Variants in SLC36A1 observed in about 807,000 individuals in gnomAD.
SLC36A1 encodes the protein proton-coupled amino acid transporter 1.
A neutral mutation model predicts 47.5 loss-of-function variants in SLC36A1; 30 were observed. The observed-to-expected ratio is 0.63, with a 90% confidence interval of 0.47 to 0.86. SLC36A1 has a LOEUF of 0.86. Ranked by LOEUF, SLC36A1 falls within the 40% of genes least tolerant of loss-of-function variation. The pLI is 0.00. For missense variants in SLC36A1, 517 were observed against 606.0 expected, an observed-to-expected ratio of 0.85 and a Z score of 1.54; for synonymous variants, 255 against 249.7, an observed-to-expected ratio of 1.02 and a Z score of -0.20.
intron 10 of SLC36A1, among the ~76,000 whole-genome samples, chr5:151,483,370 C>T (rs186812341): frequency 1.8e-4 from 27 of 152,218 alleles, no homozygotes; most frequent in Non-Finnish European, 3.2e-4. Flanking sequence ...CTGTTGGAGC[C>T]CTCTTGACTA....
chr5:151,468,027 G>A (rs542987906), intron 7 of SLC36A1, 102 bp downstream of exon 7: 14 of 928,124 alleles, frequency 1.5e-5, no homozygotes, highest in East Asian at 5.5e-5. Flanking sequence ...AGGTGGGGGC[G>A]GGTGGATCAC....
At chr5:151,522,471 G>C in the SLC36A1 span, among the ~76,000 whole-genome samples, 1 of 152,156 alleles carries the variant, frequency 6.6e-6, no homozygotes, top group Non-Finnish European at 1.5e-5. Flanking sequence ...CAATTCTGAT[G>C]CACCATGCAC....
chr5:151,383,571 A>ATT, the SLC36A1 span, among the ~76,000 whole-genome samples: 171 of 132,434 alleles, frequency 1.3e-3, 4 homozygotes, highest in East Asian at 3.0e-3. Context: ...TTTAACTTAA[A>ATT]TTTTTTTTTT....
At chr5:151,414,357 T>C in the SLC36A1 span, among the ~76,000 whole-genome samples, 1 of 141,420 alleles carries the variant, frequency 7.1e-6, no homozygotes, top group Non-Finnish European at 1.5e-5. Context: ...TATTTGAGAA[T>C]GGTAGATAGC....
the SLC36A1 span, among the ~76,000 whole-genome samples, chr5:151,403,356 AATC>A: frequency 6.6e-6 from 1 of 152,148 alleles, no homozygotes; most frequent in Non-Finnish European, 1.5e-5. Flanking sequence ...GGGGTGATTA[AATC>A]ATGAGAGTGA....
intron 1 of SLC36A1, among the ~76,000 whole-genome samples, chr5:151,453,504 A>G (rs1036339760): frequency 1.8e-4 from 27 of 152,134 alleles, no homozygotes; most frequent in Non-Finnish European, 3.1e-4. Context: ...GGATGGTACA[A>G]CTTCAGAATA....
At chr5:151,349,100 A>T in the SLC36A1 span, among the ~76,000 whole-genome samples, 3 of 152,188 alleles carry the variant, frequency 2.0e-5, no homozygotes, top group African/African-American at 4.8e-5. Context: ...TTAAATTTGT[A>T]ATCTCAGATT....
At chr5:151,350,144 C>T in the SLC36A1 span, among the ~76,000 whole-genome samples, 1 of 152,078 alleles carries the variant, frequency 6.6e-6, no homozygotes, top group African/African-American at 2.4e-5. Flanking sequence ...CCACCCTCCC[C>T]CGGCCCCGGG....
chr5:151,512,129 T>A, the SLC36A1 span: 1 of 1,586,968 alleles, frequency 6.3e-7, no homozygotes, highest in Admixed American at 1.7e-5. This position sits in a 1 kb window ranked among gnomAD's most constrained non-coding sequence, Gnocchi z 4.1. Flanking sequence ...CCTTCTGGGA[T>A]AAACCCTGGG....
the SLC36A1 span, chr5:151,509,894 G>T: frequency 8.9e-7 from 1 of 1,119,462 alleles, no homozygotes; most frequent in South Asian, 1.7e-5. Context: ...CTAACAGATG[G>T]AAAAGGCCTA....
chr5:151,463,665 G>C, intron 3 of SLC36A1, 22 bp downstream of exon 3: 1 of 1,592,118 alleles, frequency 6.3e-7, no homozygotes, highest in Non-Finnish European at 8.6e-7. Flanking sequence ...CATCAGTGGA[G>C]AGGAGTGGTG....
intron 3 of SLC36A1, among the ~76,000 whole-genome samples, chr5:151,464,081 T>C (rs73796590): frequency 0.011 from 1,629 of 152,322 alleles, 23 homozygotes; most frequent in African/African-American, 0.038. Context: ...CCCAAAGCCA[T>C]TCTGGTTTCT....
the SLC36A1 span, among the ~76,000 whole-genome samples, chr5:151,353,516 C>T: frequency 0.061 from 9,223 of 152,244 alleles, 383 homozygotes; most frequent in Non-Finnish European, 0.094. Flanking sequence ...CTACTATTGA[C>T]ATCCAGCAAC....
the SLC36A1 span, among the ~76,000 whole-genome samples, chr5:151,369,512 A>C: frequency 6.6e-6 from 1 of 152,094 alleles, no homozygotes; most frequent in Non-Finnish European, 1.5e-5. Context: ...CCCAGACTGA[A>C]CTCCCTCAGG....
At chr5:151,395,618 G>A in the SLC36A1 span, among the ~76,000 whole-genome samples, 1 of 152,278 alleles carries the variant, frequency 6.6e-6, no homozygotes, top group East Asian at 1.9e-4. Context: ...TGGAATGTGA[G>A]TTGGTGTGTG....
the SLC36A1 span, among the ~76,000 whole-genome samples, chr5:151,358,006 A>G: frequency 8.5e-5 from 13 of 152,210 alleles, no homozygotes; most frequent in Non-Finnish European, 1.2e-4. Context: ...TTTTATGGAC[A>G]TAAAATGGAA....
At chr5:151,479,004 C>T (rs1292140194) in intron 9 of SLC36A1, among the ~76,000 whole-genome samples, 1 of 152,190 alleles carries the variant, frequency 6.6e-6, no homozygotes, top group Non-Finnish European at 1.5e-5. Flanking sequence ...AGAGTTCTGC[C>T]TCATACTTTG....
At position 151,463,546 on chromosome 5, in the gene SLC36A1, A is replaced by G. The variant is rs775918280; in HGVS notation, c.144-7A>G. The G allele has an allele frequency of 1.2e-6, 2 of 1,610,050 alleles. No individual in the cohort carries two copies. The highest frequency in any genetic ancestry group is 1.1e-5 in the South Asian group (1 of 91,012). On this transcript the variant is annotated splice_polypyrimidine_tract_variant and splice_region_variant and intron_variant, in intron 2 of 10. Coordinates refer to ENST00000243389, the MANE Select transcript of SLC36A1 (RefSeq NM_078483.4). ...GTTATCATTTCCTTGGCTGTCTTCC[A>G]CTTCAGATGGTTCCAGACCTTGATC...
At chr5:151,553,132 G>A in the SLC36A1 span, 1 of 1,578,862 alleles carries the variant, frequency 6.3e-7, no homozygotes, top group Non-Finnish European at 8.7e-7. Flanking sequence ...TGGTGTATAA[G>A]GATGGGAGGG....
Sources: allele counts gnomAD v4.1 joint callset (sites outside exome capture counted in the v4.1 genomes callset), GRCh38; gene constraint gnomAD v4.1.1; non-coding constraint Gnocchi (gnomAD v3.1); transcripts MANE v1.5; gene names NCBI Gene and HGNC (gene_info 2026-07-23, HGNC 2026-07-21).